SYK: variants seen among roughly 807,000 people sequenced by gnomAD.
SYK encodes tyrosine-protein kinase SYK.
Under a neutral mutation model 77.8 loss-of-function variants are expected in SYK, and 16 were observed. The observed-to-expected ratio is 0.21, with a 90% CI of 0.14 to 0.31. SYK has a LOEUF of 0.31. SYK is among the 10% of genes least tolerant of loss of function. The pLI is 1.00. For synonymous variants in SYK, 312 were observed against 308.7 expected (o/e 1.01, Z -0.11); for missense variants, 529 against 814.4 (o/e 0.65, Z 4.26).
At chr9:90,861,253 G>A (rs1564101988) in intron 3 of SYK, among the ~76,000 whole-genome samples, 1 of 152,148 alleles carries the variant, frequency 6.6e-6, no homozygotes, top group Non-Finnish European at 1.5e-5. Flanking sequence ...GCACTGCAGT[G>A]GGGGTGTTGT....
intron 1 of SYK, among the ~76,000 whole-genome samples, chr9:90,805,618 T>G (rs1457236287): frequency 2.6e-5 from 4 of 152,258 alleles, no homozygotes; most frequent in Non-Finnish European, 5.9e-5. Flanking sequence ...GTTCAACATA[T>G]GACCTTTCAT....
intron 1 of SYK, among the ~76,000 whole-genome samples, chr9:90,831,885 C>T (rs1475249013): frequency 6.6e-6 from 1 of 152,152 alleles, no homozygotes; most frequent in East Asian, 1.9e-4. Flanking sequence ...GCCCCAAACA[C>T]AATGCTAAAG....
chr9:90,884,587 A>G (rs1828385134), intron 11 of SYK, among the ~76,000 whole-genome samples: 1 of 76,994 alleles, frequency 1.3e-5, no homozygotes, highest in South Asian at 4.7e-4. Context: ...ATACACATAC[A>G]CATATGTGTA....
In SYK at chr9:90,873,082, C is replaced by T. The variant is rs568451134; in HGVS notation, c.916-1122C>T. ...GCAGACCGTGTGAAAGAAGAAGGTC[C>T]GGGTGTTTGGAAACAATGGCTGAGT... On this transcript the variant is annotated intron_variant, in intron 7 of 13. Transcript: ENST00000375754. Among the ~76,000 whole-genome samples, 5 of 152,248 alleles carry T rather than the reference C, an allele frequency of 3.3e-5. No individual in the cohort carries two copies. The East Asian group carries it at 5.8e-4, about 18-fold the overall frequency.
At chr9:90,838,939 CAGTT>C (rs1296507693) in intron 1 of SYK, among the ~76,000 whole-genome samples, 2 of 152,316 alleles carry the variant, frequency 1.3e-5, no homozygotes, top group African/African-American at 2.4e-5. Context: ...GTCCCTGTCT[CAGTT>C]GGTGGGGGTG....
At chr9:90,832,244 T>C (rs1394916943) in intron 1 of SYK, among the ~76,000 whole-genome samples, 2 of 152,196 alleles carry the variant, frequency 1.3e-5, no homozygotes, top group African/African-American at 4.8e-5. Flanking sequence ...TTTTGTTTCA[T>C]GCATAAGATG....
chr9:90,867,330 G>C (rs1326651276), intron 7 of SYK, 131 bp downstream of exon 7: 2 of 929,504 alleles, frequency 2.2e-6, no homozygotes, highest in East Asian at 4.9e-5. Flanking sequence ...AGGCCTCTTT[G>C]CCCTTGCTCA....
rs80244810 is a variant in SYK at position 90,884,153 on chromosome 9, G to GTATA, written c.1582-3591_1582-3588dup. 5.0e-5 allele frequency among the ~76,000 whole-genome samples: 5 copies of GTATA among 100,818 alleles called. 1 individual carries two copies. The highest frequency in any genetic ancestry group is 2.2e-4 in the African/African-American group (5 of 22,308). The allele number at this position is 100,818 out of a possible 152,430, so 66.1% of individuals were successfully genotyped here. On this transcript the variant is annotated intron_variant, in intron 11 of 13. Transcript: ENST00000375754. ...GCCCTACATATATATATGTGTGTGT[G>GTATA]TATATATACACACATACACATACGT...
At chr9:90,881,115 A>G (rs1021350516) in intron 11 of SYK, among the ~76,000 whole-genome samples, 2 of 152,234 alleles carry the variant, frequency 1.3e-5, no homozygotes, top group African/African-American at 4.8e-5. Flanking sequence ...AAAGGATGGG[A>G]TAGATAGAAC....
chr9:90,806,519 T>G (rs2118253768), intron 1 of SYK, among the ~76,000 whole-genome samples: 1 of 152,250 alleles, frequency 6.6e-6, no homozygotes, highest in African/African-American at 2.4e-5. Flanking sequence ...ATAGGCATGA[T>G]CCACTGTGCC....
At chr9:90,894,893 G>C (rs930611989) in intron 13 of SYK, among the ~76,000 whole-genome samples, 2 of 152,206 alleles carry the variant, frequency 1.3e-5, no homozygotes, top group African/African-American at 4.8e-5. Context: ...TCCCTGGCCA[G>C]CAGTGGCAGT....
intron 10 of SYK, 59 bp from the exon 11 acceptor site, chr9:90,878,705 T>A: frequency 6.9e-7 from 1 of 1,454,210 alleles, no homozygotes; most frequent in East Asian, 2.3e-5. Context: ...GGAGCATGGT[T>A]GTTTGTTGTG....
At chr9:90,838,734 A>G (rs1826178238) in intron 1 of SYK, among the ~76,000 whole-genome samples, 1 of 152,232 alleles carries the variant, frequency 6.6e-6, no homozygotes, top group Non-Finnish European at 1.5e-5. Context: ...GGGAATGTTG[A>G]ATTAAGAAAA....
intron 1 of SYK, among the ~76,000 whole-genome samples, chr9:90,839,687 A>G (rs546646262): frequency 2.0e-5 from 3 of 152,316 alleles, no homozygotes; most frequent in South Asian, 2.1e-4. Context: ...CTACAAAGTT[A>G]CTGTCTCAGT....
intron 13 of SYK, among the ~76,000 whole-genome samples, chr9:90,889,912 G>A (rs566788549): frequency 7.6e-4 from 116 of 152,360 alleles, no homozygotes; most frequent in African/African-American, 2.6e-3. Flanking sequence ...GGCAGCCCTT[G>A]GGCACGTGGC....
chr9:90,843,795 T>G, intron 1 of SYK, 63 bp from the exon 2 acceptor site: 4 of 1,316,578 alleles, frequency 3.0e-6, no homozygotes, highest in Admixed American at 3.4e-5. Context: ...TTTGAGTGGT[T>G]TTAGCAAACG....
intron 1 of SYK, among the ~76,000 whole-genome samples, chr9:90,815,248 A>G (rs559834666): frequency 2.1e-4 from 32 of 152,246 alleles, no homozygotes; most frequent in Non-Finnish European, 4.0e-4. Context: ...CTTCAAGACC[A>G]AGAAATAAGG....
At chr9:90,871,959 G>A (rs1827743430) in intron 7 of SYK, among the ~76,000 whole-genome samples, 1 of 152,176 alleles carries the variant, frequency 6.6e-6, no homozygotes, top group East Asian at 1.9e-4. Flanking sequence ...CTATCCATAA[G>A]CCAAGATAGA....
intron 3 of SYK, among the ~76,000 whole-genome samples, 178 bp from the exon 4 acceptor site, chr9:90,862,028 T>A (rs1221250950): frequency 6.6e-6 from 1 of 152,210 alleles, no homozygotes; most frequent in Non-Finnish European, 1.5e-5. Context: ...AAACTGGGCC[T>A]TCCTGGGTTG....
Sources: gnomAD v4.1 joint callset for allele counts (sites outside exome capture counted in the v4.1 genomes callset) on GRCh38, gnomAD v4.1.1 for gene constraint, MANE v1.5 for transcripts, NCBI Gene and HGNC (gene_info 2026-07-23, HGNC 2026-07-21) for gene names.